HIRA: variants seen among roughly 807,000 people sequenced by gnomAD.
HIRA encodes the protein protein HIRA.
A neutral mutation model predicts 126.6 loss-of-function variants in HIRA; 13 were observed. The observed-to-expected ratio is 0.10, with a 90% CI of 0.07 to 0.16. The LOEUF is 0.16. Ranked by LOEUF, HIRA falls within the 10% of genes least tolerant of loss-of-function variation. The pLI is 1.00. For synonymous variants in HIRA, 511 were observed against 520.0 expected (o/e 0.98, Z 0.24); for missense variants, 834 against 1,314.4 (o/e 0.63, Z 5.65).
At chr22:19,356,148 C>A (rs1189859518) in intron 20 of HIRA, 82 bp downstream of exon 20, 3 of 1,322,546 alleles carry the variant, frequency 2.3e-6, no homozygotes, top group Admixed American at 1.7e-5. Context: ...CAGAGCCTGG[C>A]TCTCTGAGCG....
intron 18 of HIRA, among the ~76,000 whole-genome samples, chr22:19,357,941 T>G (rs987864047): frequency 6.6e-6 from 1 of 152,194 alleles, no homozygotes; most frequent in South Asian, 2.1e-4. Context: ...TTGGAGAGTA[T>G]GAATCAGAGA....
chr22:19,359,411 C>T lies in HIRA; in HGVS notation c.2159G>A (p.Arg720His), dbSNP rs147482921. ...CTTCCCTTCCCGGTTGCACTTCAGG[C>T]GGCTCAGCTTCACGCCCCCCACCAC... Reference protein sequence around the residue: ...VTVVGGVKLSRLKCNREGKEW... With the variant: ...VTVVGGVKLSHLKCNREGKEW... The change falls in exon 18 of 25, where the codon CGC becomes CAC. Residue 720 changes from arginine (R) to histidine (H), a missense_variant. By Grantham distance (29) the Arg-to-His change is conservative. This residue lies in a region of HIRA where 468 missense variants were observed against 574.2 expected (regional missense o/e 0.82). Coordinates refer to ENST00000263208, the MANE Select transcript of HIRA (RefSeq NM_003325.4). 4.0e-5 allele frequency: 64 copies of T among 1,610,442 alleles called. No homozygotes were observed. The African/African-American group carries it at 4.3e-4, about 11-fold the overall frequency.
chr22:19,408,622 TGTG>T, intron 2 of HIRA, 29 bp from the exon 3 acceptor site: 1 of 1,283,772 alleles, frequency 7.8e-7, no homozygotes, highest in Non-Finnish European at 1.1e-6. Context: ...AATGGCTGAA[TGTG>T]CAAGGAGTAG....
At position 19,431,387 on chromosome 22, in the gene HIRA, AGACCCCGACCC is replaced by A. The variant is rs1298462155; in HGVS notation, c.37+42_37+52del. ...CTTGCGCGCGCCCCGACTCGACTCC[AGACCCCGACCC>A]GACTCCGGGCTCGGCCTCCCGCGAC... On this transcript the variant is annotated intron_variant, in intron 1 of 24. Transcript: ENST00000263208. 5.0e-6 allele frequency: 8 copies of A among 1,590,160 alleles called. No homozygotes were observed. The African/African-American group carries it at 8.1e-5, about 16-fold the overall frequency.
intron 1 of HIRA, among the ~76,000 whole-genome samples, chr22:19,411,624 T>C (rs1004309905): frequency 3.3e-4 from 51 of 152,252 alleles, no homozygotes; most frequent in African/African-American, 1.2e-3. Flanking sequence ...GTACCCAGTG[T>C]ACAGTAGCGC....
Position 19,384,779 on chromosome 22 carries a change from A to G in HIRA, c.1329+742T>C, listed in dbSNP as rs368816954. ...AAGCAATTCTCCTGCTCAGCCTCCC[A>G]TGTAGCTGGGATTATAGGCATGCAC... On this transcript the variant is annotated intron_variant, in intron 12 of 24. Transcript: ENST00000263208. Among the ~76,000 whole-genome samples the G allele has an allele frequency of 1.6e-4, 24 of 150,750 alleles. No individual in the cohort carries two copies. The South Asian group carries it at 4.8e-3, about 30-fold the overall frequency.
chr22:19,334,333 G>A (rs1359626931), intron 24 of HIRA, among the ~76,000 whole-genome samples: 1 of 150,768 alleles, frequency 6.6e-6, no homozygotes, highest in Non-Finnish European at 1.5e-5. Context: ...TTCTCCTTGA[G>A]CATTTTTTAA....
intron 1 of HIRA, among the ~76,000 whole-genome samples, chr22:19,418,469 A>C (rs1463231565): frequency 1.4e-5 from 2 of 140,452 alleles, no homozygotes; most frequent in African/African-American, 5.3e-5. Context: ...TTAAAAATAC[A>C]AAAAAAAAAA....
chr22:19,396,693 C>T, intron 7 of HIRA, 94 bp downstream of exon 7: 1 of 1,347,544 alleles, frequency 7.4e-7, no homozygotes, highest in Non-Finnish European at 1.0e-6. Flanking sequence ...CCCCAGGTGG[C>T]CTGGCCCATG....
chr22:19,345,591 T>C (rs953703418), intron 24 of HIRA, among the ~76,000 whole-genome samples: 5 of 152,298 alleles, frequency 3.3e-5, no homozygotes, highest in African/African-American at 1.2e-4. Flanking sequence ...CTGTTCCACC[T>C]CAGATCATCA....
At chr22:19,428,504 A>G (rs1266242330) in intron 1 of HIRA, among the ~76,000 whole-genome samples, 3 of 152,242 alleles carry the variant, frequency 2.0e-5, no homozygotes, top group African/African-American at 7.2e-5. Flanking sequence ...ATCAGCCAAG[A>G]AAATGAAGAC....
At chr22:19,356,782 G>C (rs1569293931) in intron 19 of HIRA, 108 bp downstream of exon 19, 1 of 1,151,936 alleles carries the variant, frequency 8.7e-7, no homozygotes, top group Non-Finnish European at 1.2e-6. Context: ...TCTGGGGCCT[G>C]ATGGCCAGCC....
intron 21 of HIRA, 26 bp downstream of exon 21, chr22:19,355,734 A>G (rs782782484): frequency 6.6e-7 from 1 of 1,503,858 alleles, no homozygotes; most frequent in South Asian, 1.1e-5. Flanking sequence ...CTTCCAGGGA[A>G]TAGGACTGGG....
At chr22:19,383,772 T>G in intron 12 of HIRA, 67 bp from the exon 13 acceptor site, 1 of 1,252,752 alleles carries the variant, frequency 8.0e-7, no homozygotes, top group Non-Finnish European at 1.2e-6. Flanking sequence ...TATTAAAAAA[T>G]AAAGTCTCTT....
intron 1 of HIRA, among the ~76,000 whole-genome samples, chr22:19,429,230 C>T (rs1030624495): frequency 2.7e-5 from 4 of 149,888 alleles, no homozygotes; most frequent in African/African-American, 9.9e-5. Flanking sequence ...CTCTACCTCC[C>T]GGGCTCAAGC....
At chr22:19,395,521 AG>A (rs1340382787) in intron 7 of HIRA, among the ~76,000 whole-genome samples, 1 of 152,194 alleles carries the variant, frequency 6.6e-6, no homozygotes, top group East Asian at 1.9e-4. Flanking sequence ...AGACTAAGTA[AG>A]GTAAAAACCA....
chr22:19,430,740 A>G (rs2089527746), intron 1 of HIRA, among the ~76,000 whole-genome samples: 2 of 152,186 alleles, frequency 1.3e-5, no homozygotes, highest in South Asian at 4.2e-4. Flanking sequence ...ACTGATTACC[A>G]CTAGCCTCTC....
intron 13 of HIRA, among the ~76,000 whole-genome samples, chr22:19,381,126 A>G (rs1173186439): frequency 6.6e-6 from 1 of 152,162 alleles, no homozygotes; most frequent in Non-Finnish European, 1.5e-5. Context: ...CTTCATTAAG[A>G]TATGCATCTC....
chr22:19,373,291 T>C (rs2088985026), intron 15 of HIRA, among the ~76,000 whole-genome samples: 1 of 152,250 alleles, frequency 6.6e-6, no homozygotes, highest in South Asian at 2.1e-4. Flanking sequence ...GTTCCAATTT[T>C]GTTTTAGCTT....
Sources: gnomAD v4.1 joint callset for allele counts (sites outside exome capture counted in the v4.1 genomes callset) on GRCh38, gnomAD v4.1.1 for gene constraint, gnomAD v4.1.1 regional missense constraint, MANE v1.5 for transcripts, NCBI Gene and HGNC (gene_info 2026-07-23, HGNC 2026-07-21) for gene names.